MS4A8: variants seen among roughly 807,000 people sequenced by gnomAD.
MS4A8 encodes the protein membrane spanning 4-domains A8, also known as membrane-spanning 4-domains subfamily A member 8.
Under a neutral mutation model 23.7 loss-of-function variants are expected in MS4A8, and 27 were observed. The ratio of observed to expected loss-of-function variants is 1.14; its 90% CI spans 0.84 to 1.57. MS4A8 has a LOEUF of 1.57. MS4A8 is among the 40% of genes most tolerant of loss of function. The probability of loss-of-function intolerance (pLI) is 0.00; values close to 1 mark genes in which losing one functional copy is unlikely to be tolerated. For synonymous variants in MS4A8, 138 were observed against 126.3 expected, an observed-to-expected ratio of 1.09 and a Z score of -0.62; for missense variants, 301 against 311.4, an observed-to-expected ratio of 0.97 and a Z score of 0.25.
intron 5 of MS4A8, 124 bp from the exon 6 acceptor site, chr11:60,714,897 C>T (rs1206116336): frequency 4.4e-6 from 3 of 686,206 alleles, no homozygotes; most frequent in Non-Finnish European, 8.0e-6. Flanking sequence ...TTTCCCCCCA[C>T]GAGGCTGAGA....
At chr11:60,707,309 C>CGAGA (rs112128181) in intron 4 of MS4A8, among the ~76,000 whole-genome samples, 148 of 147,656 alleles carry the variant, frequency 1.0e-3, no homozygotes, top group Non-Finnish European at 1.5e-3. Context: ...GTATGGAGAG[C>CGAGA]GAGAGAGAGA....
intron 5 of MS4A8, among the ~76,000 whole-genome samples, chr11:60,713,328 C>A (rs115118834): frequency 7.1e-4 from 108 of 152,262 alleles, no homozygotes; most frequent in African/African-American, 2.5e-3. Flanking sequence ...TACAGAGGAT[C>A]CACGTGGGCA....
At position 60,714,871 on chromosome 11, in the gene MS4A8, A is replaced by G. The variant is rs1590956517; in HGVS notation, c.535-150A>G. ...TTTACCCCCATACTTGATACTTACA[A>G]AAACCCGGTGGGAAATTTCCCCCCA... On this transcript the variant is annotated intron_variant, in intron 5 of 6. Coordinates refer to ENST00000300226, the MANE Select transcript of MS4A8 (RefSeq NM_031457.2). 2.5e-5 allele frequency: 16 copies of G among 636,440 alleles called. No individual in the cohort carries two copies. In the East Asian group the frequency reaches 4.4e-4, roughly 17 times the overall value. 39.4% of individuals were successfully genotyped at this position (636,440 alleles called of 1,614,324 possible).
intron 3 of MS4A8, among the ~76,000 whole-genome samples, chr11:60,705,004 C>T (rs1324876996): frequency 6.6e-6 from 1 of 152,146 alleles, no homozygotes; most frequent in African/African-American, 2.4e-5. Context: ...ACTAATGCAA[C>T]TTTCCTCATA....
intron 5 of MS4A8, chr11:60,711,840 G>A (rs940271415): frequency 1.8e-5 from 8 of 456,062 alleles, no homozygotes; most frequent in African/African-American, 1.6e-4. Flanking sequence ...TTCTGCCAAT[G>A]ATTGATCTTG....
rs571340236 is a variant in MS4A8 at position 60,707,396 on chromosome 11, C to T, written c.402+349C>T. Among the ~76,000 whole-genome samples the T allele has an allele frequency of 1.2e-4, 6 of 51,846 alleles. No individual in the cohort carries two copies. The Admixed American group carries it at 1.3e-3, about 11-fold the overall frequency. The allele number at this position is 51,846 out of a possible 152,430, so 34.0% of individuals were successfully genotyped here. ...CAGAGCTCCCAGGGGCCCAGGGCTG[C>T]CCTCTAGCAGACCAGGAGCCAAGAG... is the stretch of plus-strand genomic sequence containing the variant. On this transcript the variant is annotated intron_variant, in intron 4 of 6. Coordinates refer to ENST00000300226, the MANE Select transcript of MS4A8 (RefSeq NM_031457.2).
At chr11:60,705,386 C>T (rs1289985672) in intron 3 of MS4A8, among the ~76,000 whole-genome samples, 1 of 152,224 alleles carries the variant, frequency 6.6e-6, no homozygotes, top group Non-Finnish European at 1.5e-5. Flanking sequence ...TCACTGACCA[C>T]GCCTCCTCCC....
intron 3 of MS4A8, among the ~76,000 whole-genome samples, chr11:60,704,965 T>A (rs2088243578): frequency 6.6e-6 from 1 of 152,000 alleles, no homozygotes; most frequent in African/African-American, 2.4e-5. Flanking sequence ...GTTACAGTCT[T>A]CCTCCTGACT....
intron 5 of MS4A8, chr11:60,712,393 C>G: frequency 1.0e-6 from 1 of 985,266 alleles, no homozygotes; most frequent in Non-Finnish European, 1.2e-6. Context: ...TAACCACTTG[C>G]TAAATGGAGA....
At chr11:60,712,798 A>T (rs1053263637) in intron 5 of MS4A8, among the ~76,000 whole-genome samples, 34 of 152,180 alleles carry the variant, frequency 2.2e-4, no homozygotes, top group African/African-American at 7.7e-4. Context: ...TCTCAAAAAA[A>T]AAAAAAATTA....
intron 3 of MS4A8, among the ~76,000 whole-genome samples, chr11:60,704,333 CT>C (rs1565051601): frequency 6.6e-6 from 1 of 151,962 alleles, no homozygotes; most frequent in Non-Finnish European, 1.5e-5. Context: ...GTTGGCCAGG[CT>C]GGTCTCAAAC....
At position 60,701,012 on chromosome 11, in the gene MS4A8, C is replaced by A; in HGVS notation, c.152C>A (p.Pro51His). Reference protein sequence around the residue: ...PQVHLVPGNPPSLVSNVNGQP... With the variant: ...PQVHLVPGNPHSLVSNVNGQP... Reference sequence around the variant, plus strand: ...GTCCACCTAGTTCCTGGGAACCCACCTAGTTTGGTGTCGAATGTGAATGGG... The same window carrying A: ...GTCCACCTAGTTCCTGGGAACCCACATAGTTTGGTGTCGAATGTGAATGGG... The change falls in exon 2 of 7, where the codon CCT (proline) becomes CAT (histidine). Residue 51 changes from proline to histidine, a missense_variant. Pro to His is a moderately conservative substitution (Grantham distance 77). Transcript: ENST00000300226. The A allele has an allele frequency of 6.2e-7, 1 of 1,614,182 alleles. No individual in the cohort carries two copies. The highest frequency in any genetic ancestry group is 2.2e-5 in the East Asian group (1 of 44,874).
chr11:60,714,935 A>C lies in MS4A8; in HGVS notation c.535-86A>C, dbSNP rs1590956550. 7.4e-6 allele frequency: 7 copies of C among 941,896 alleles called. No individual in the cohort carries two copies. In the East Asian group the frequency reaches 1.4e-4, roughly 19 times the overall value. The allele number at this position is 941,896 out of a possible 1,614,324, so 58.3% of individuals were successfully genotyped here. On this transcript the variant is annotated intron_variant, in intron 5 of 6. Transcript: ENST00000300226. ...GGATAGGGGACTTCCGCAAAGCCACAAAGAGTCCATGGCAGGGCCCCAGTG... is the reference window on the plus strand; with the variant it reads ...GGATAGGGGACTTCCGCAAAGCCACCAAGAGTCCATGGCAGGGCCCCAGTG...
chr11:60,707,599 G>A (rs1160824360), intron 4 of MS4A8, among the ~76,000 whole-genome samples: 1 of 152,164 alleles, frequency 6.6e-6, no homozygotes, highest in African/African-American at 2.4e-5. Context: ...GAAGGGTAAA[G>A]GGTGACCAGG....
chr11:60,715,270 G>C (rs572982136), intron 6 of MS4A8, 40 bp from the exon 7 acceptor site: 8 of 1,584,450 alleles, frequency 5.0e-6, no homozygotes, highest in Admixed American at 1.7e-5. Context: ...TGCATGGCCC[G>C]TCCTTCTTAG....
chr11:60,701,118 G>A (rs374654759), intron 2 of MS4A8, 39 bp downstream of exon 2: 28 of 1,574,298 alleles, frequency 1.8e-5, no homozygotes, highest in Non-Finnish European at 2.2e-5. Flanking sequence ...AGACTGCACA[G>A]CTGGAGTGAT....
chr11:60,702,790 A>G (rs994861285), intron 2 of MS4A8, among the ~76,000 whole-genome samples: 2 of 152,330 alleles, frequency 1.3e-5, no homozygotes, highest in Non-Finnish European at 2.9e-5. Flanking sequence ...TATATCTGCA[A>G]CAACTCTGTT....
At chr11:60,701,751 A>T (rs2088206503) in intron 2 of MS4A8, among the ~76,000 whole-genome samples, 1 of 152,190 alleles carries the variant, frequency 6.6e-6, no homozygotes, top group Non-Finnish European at 1.5e-5. Context: ...TGCCCACAAA[A>T]ACTGTGATAT....
Position 60,715,783 on chromosome 11 carries a change from C to G in MS4A8, c.*369C>G, listed in dbSNP as rs1283724150. Reference sequence around the variant, plus strand: ...ATCTTCACTCTTTCAATTGTGCATTCATTTAATAAATAGATACTGAGCATT... The same window carrying G: ...ATCTTCACTCTTTCAATTGTGCATTGATTTAATAAATAGATACTGAGCATT... On this transcript the variant is annotated 3_prime_UTR_variant, in exon 7 of 7. Coordinates refer to ENST00000300226, the MANE Select transcript of MS4A8 (RefSeq NM_031457.2). 1 of 271,586 alleles carries G rather than the reference C, an allele frequency of 3.7e-6. No individual in the cohort carries two copies. Among genetic ancestry groups the G allele is most frequent in the South Asian group, 4.4e-5 (1 of 22,764 alleles). 16.8% of individuals were successfully genotyped at this position (271,586 alleles called of 1,614,324 possible). A position where few individuals can be genotyped will look rare whatever the true frequency, so the allele number is the denominator to read the frequency against.
Sources: allele counts gnomAD v4.1 joint callset (sites outside exome capture counted in the v4.1 genomes callset), GRCh38; gene constraint gnomAD v4.1.1; transcripts MANE v1.5; gene names NCBI Gene and HGNC (gene_info 2026-07-23, HGNC 2026-07-21).